Variants in MCC observed in about 807,000 individuals in gnomAD.
MCC encodes the protein colorectal mutant cancer protein.
Under a neutral mutation model 116.2 loss-of-function variants are expected in MCC, and 90 were observed. The ratio of observed to expected loss-of-function variants is 0.77; its 90% CI spans 0.65 to 0.92. The LOEUF is 0.92. Among genes scored for constraint, MCC ranks in the 40% least tolerant of loss-of-function variants. The probability of loss-of-function intolerance (pLI) is 0.00; values close to 1 mark genes in which losing one functional copy is unlikely to be tolerated. For synonymous variants in MCC, 578 were observed against 510.5 expected (o/e 1.13, Z -1.78); for missense variants, 1,516 against 1,312.2 (o/e 1.16, Z -2.40).
chr5:113,387,335 G>C (rs1012763731), intron 1 of MCC, among the ~76,000 whole-genome samples: 59 of 152,232 alleles, frequency 3.9e-4, no homozygotes, highest in African/African-American at 1.4e-3. Flanking sequence ...AAAAATGTTT[G>C]TTTGGTTTTT....
At chr5:113,259,867 T>C (rs1377404405) in intron 3 of MCC, among the ~76,000 whole-genome samples, 1 of 152,220 alleles carries the variant, frequency 6.6e-6, no homozygotes, top group Non-Finnish European at 1.5e-5. Flanking sequence ...CTATTTTATA[T>C]GTGTCACACT....
chr5:113,378,479 G>A (rs1769036567), intron 2 of MCC, among the ~76,000 whole-genome samples: 1 of 152,164 alleles, frequency 6.6e-6, no homozygotes, highest in African/African-American at 2.4e-5. Flanking sequence ...TAAATTAAAG[G>A]TAATTGTACT....
At chr5:113,241,401 T>A (rs1764360987) in intron 3 of MCC, among the ~76,000 whole-genome samples, 1 of 152,240 alleles carries the variant, frequency 6.6e-6, no homozygotes, top group African/African-American at 2.4e-5. Flanking sequence ...AACTCTGCGA[T>A]AGCCTAAAGA....
chr5:113,083,109 G>C, intron 10 of MCC, 101 bp from the exon 11 acceptor site: 1 of 1,144,242 alleles, frequency 8.7e-7, no homozygotes, highest in Non-Finnish European at 1.2e-6. Flanking sequence ...GAGAATCGGG[G>C]ACTGGGAGGA....
chr5:113,428,360 C>T (rs1009380760), intron 1 of MCC, among the ~76,000 whole-genome samples: 3 of 152,174 alleles, frequency 2.0e-5, no homozygotes, highest in Non-Finnish European at 4.4e-5. Flanking sequence ...CCGACTGAAG[C>T]ATGTGTTCTC....
At chr5:113,047,832 C>T (rs1301281615) in intron 16 of MCC, among the ~76,000 whole-genome samples, 1 of 123,028 alleles carries the variant, frequency 8.1e-6, no homozygotes, top group Non-Finnish European at 1.9e-5. Flanking sequence ...AACTTGGATT[C>T]CAGAAAAAAA....
chr5:113,449,544 T>C (rs1276125669), intron 1 of MCC, among the ~76,000 whole-genome samples: 1 of 152,250 alleles, frequency 6.6e-6, no homozygotes, highest in Non-Finnish European at 1.5e-5. Context: ...CCCACCTTCC[T>C]GTGATGATTT....
At chr5:113,416,308 A>G (rs1770145801) in intron 1 of MCC, among the ~76,000 whole-genome samples, 1 of 152,274 alleles carries the variant, frequency 6.6e-6, no homozygotes, top group Admixed American at 6.5e-5. Flanking sequence ...AGTCTCATCT[A>G]CTCAGGAGAC....
intron 3 of MCC, among the ~76,000 whole-genome samples, chr5:113,286,543 G>A (rs188588535): frequency 2.6e-5 from 4 of 152,232 alleles, no homozygotes; most frequent in Non-Finnish European, 5.9e-5. Context: ...TCCTATGCGC[G>A]TTCCAGGCAC....
At chr5:113,175,974 G>A (rs958046782) in intron 3 of MCC, among the ~76,000 whole-genome samples, 4 of 151,950 alleles carry the variant, frequency 2.6e-5, no homozygotes, top group Non-Finnish European at 2.9e-5. Flanking sequence ...GTACCAACCA[G>A]CAGGGAAAAA....
At chr5:113,165,624 A>G (rs891476045) in intron 3 of MCC, among the ~76,000 whole-genome samples, 2 of 152,172 alleles carry the variant, frequency 1.3e-5, no homozygotes, top group East Asian at 3.9e-4. Flanking sequence ...CAGGAAGAAT[A>G]AAGAGGAGGC....
chr5:113,430,880 A>C (rs928963652), intron 1 of MCC, among the ~76,000 whole-genome samples: 1 of 152,212 alleles, frequency 6.6e-6, no homozygotes, highest in Non-Finnish European at 1.5e-5. Flanking sequence ...TTAATAGTGC[A>C]GGGTAAACTT....
intron 1 of MCC, among the ~76,000 whole-genome samples, chr5:113,455,678 T>C (rs984826073): frequency 2.6e-5 from 4 of 152,186 alleles, no homozygotes; most frequent in Admixed American, 6.5e-5. Context: ...CCAGAGGAAT[T>C]TGGGGCCATA....
intron 3 of MCC, among the ~76,000 whole-genome samples, chr5:113,177,847 A>G (rs1364426145): frequency 6.6e-6 from 1 of 152,198 alleles, no homozygotes; most frequent in Non-Finnish European, 1.5e-5. Context: ...CCATCAAGTT[A>G]ATGTATCATA....
intron 3 of MCC, among the ~76,000 whole-genome samples, chr5:113,159,930 G>A (rs1217689633): frequency 6.6e-6 from 1 of 152,206 alleles, no homozygotes; most frequent in African/African-American, 2.4e-5. Flanking sequence ...ACTTTTGTGT[G>A]CCCTAGATCA....
chr5:113,266,661 G>A (rs938500008), intron 3 of MCC, among the ~76,000 whole-genome samples: 1 of 152,114 alleles, frequency 6.6e-6, no homozygotes, highest in Non-Finnish European at 1.5e-5. Flanking sequence ...GATTATAGGC[G>A]TGAGCCACCA....
chr5:113,333,827 G>GTATA lies in MCC; in HGVS notation c.627+6688_627+6691dup, dbSNP rs1554076874. ...TATATATGTATATATGTACATATAT[G>GTATA]TATATATGTATATATGTATATATGT... is the stretch of plus-strand genomic sequence containing the variant. On this transcript the variant is annotated intron_variant, in intron 3 of 18. Transcript: ENST00000408903. Among the ~76,000 whole-genome samples the GTATA allele has an allele frequency of 3.8e-4, 15 of 39,926 alleles. 2 individuals carry two copies. Among genetic ancestry groups the GTATA allele is most frequent in the Middle Eastern group, 0.01 (1 of 96 alleles). 26.2% of individuals were successfully genotyped at this position (39,926 alleles called of 152,430 possible). A position where few individuals can be genotyped will look rare whatever the true frequency, so the allele number is the denominator to read the frequency against.
chr5:113,153,009 G>A (rs914539021), intron 3 of MCC, among the ~76,000 whole-genome samples: 1 of 152,076 alleles, frequency 6.6e-6, no homozygotes, highest in African/African-American at 2.4e-5. Flanking sequence ...AGATTGTTTT[G>A]TTTGGTGGAA....
intron 1 of MCC, among the ~76,000 whole-genome samples, chr5:113,468,324 T>C (rs1771974493): frequency 1.3e-5 from 2 of 152,194 alleles, no homozygotes; most frequent in African/African-American, 2.4e-5. Context: ...GGGTTTGTCA[T>C]AGATAGCTCT....
Sources: allele counts gnomAD v4.1 joint callset (sites outside exome capture counted in the v4.1 genomes callset), GRCh38; gene constraint gnomAD v4.1.1; transcripts MANE v1.5; gene names NCBI Gene and HGNC (gene_info 2026-07-23, HGNC 2026-07-21).